The following BLTP1 variants were observed in gnomAD, a reference collection of about 807,000 sequenced individuals.
BLTP1 encodes the protein bridge-like lipid transfer protein family member 1.
At chr4:122,254,991 T>G in the BLTP1 span, 1 of 1,536,348 alleles carries the variant, frequency 6.5e-7, no homozygotes, top group South Asian at 1.2e-5. Context: ...TTATACAAAC[T>G]TTAGTATTGA....
chr4:122,235,117 AT>A, the BLTP1 span: 2 of 1,153,302 alleles, frequency 1.7e-6, no homozygotes, highest in Non-Finnish European at 2.5e-6. Context: ...GTTCAACTCA[AT>A]TTACTTTGTG....
the BLTP1 span, chr4:122,227,212 C>T: frequency 1.0e-6 from 1 of 995,252 alleles, no homozygotes; most frequent in Non-Finnish European, 1.2e-6. Context: ...GCAGACCACT[C>T]TGGACATGCC....
At chr4:122,346,842 C>T in the BLTP1 span, 2 of 1,542,852 alleles carry the variant, frequency 1.3e-6, no homozygotes, top group South Asian at 2.5e-5. Flanking sequence ...TCTTACTTGG[C>T]AGGGTGTACC....
chr4:122,177,236 C>T, the BLTP1 span, among the ~76,000 whole-genome samples: 1 of 152,212 alleles, frequency 6.6e-6, no homozygotes, highest in East Asian at 1.9e-4. Flanking sequence ...ATCTTGACTG[C>T]TGTCTTTTGT....
the BLTP1 span, chr4:122,328,669 G>A: frequency 1.0e-6 from 1 of 982,738 alleles, no homozygotes; most frequent in Non-Finnish European, 1.2e-6. Context: ...TATTCCTGTG[G>A]CATTACATTA....
the BLTP1 span, chr4:122,244,464 G>T: frequency 5.6e-6 from 1 of 177,858 alleles, no homozygotes; most frequent in Non-Finnish European, 1.1e-5. Flanking sequence ...GTGTGGATTT[G>T]GAACCCACAG....
the BLTP1 span, among the ~76,000 whole-genome samples, chr4:122,318,899 C>T: frequency 6.6e-6 from 1 of 152,152 alleles, no homozygotes. Context: ...AGTTATTAAT[C>T]CAGTCCTTTA....
chr4:122,352,669 T>C, the BLTP1 span, among the ~76,000 whole-genome samples: 7 of 152,132 alleles, frequency 4.6e-5, no homozygotes, highest in South Asian at 2.1e-4. Context: ...CTCAGACATA[T>C]TAGTTTTAAT....
chr4:122,279,278 CAA>C, the BLTP1 span, among the ~76,000 whole-genome samples: 1 of 152,142 alleles, frequency 6.6e-6, no homozygotes, highest in Non-Finnish European at 1.5e-5. Flanking sequence ...CAGTTAGACA[CAA>C]AGAAGATAAA....
At chr4:122,359,562 T>C in the BLTP1 span, 1 of 1,609,514 alleles carries the variant, frequency 6.2e-7, no homozygotes. Flanking sequence ...TATAGCCATC[T>C]TTCCACCTCG....
chr4:122,333,936 C>T, the BLTP1 span: 192 of 1,169,500 alleles, frequency 1.6e-4, 1 homozygote, highest in South Asian at 3.1e-3. Context: ...TCTAATATAG[C>T]CATATTCTGG....
the BLTP1 span, among the ~76,000 whole-genome samples, chr4:122,195,230 A>G: frequency 6.6e-6 from 1 of 152,188 alleles, no homozygotes; most frequent in Admixed American, 6.5e-5. Flanking sequence ...TAATCATAAC[A>G]TGATTTTAGT....
At chr4:122,299,926 A>T in the BLTP1 span, 2 of 985,054 alleles carry the variant, frequency 2.0e-6, no homozygotes, top group Non-Finnish European at 2.4e-6. Flanking sequence ...GAAAGGTACA[A>T]GCGTACAGGC....
the BLTP1 span, among the ~76,000 whole-genome samples, chr4:122,352,355 C>CTTTTTTTTTT: frequency 9.0e-6 from 1 of 111,714 alleles, no homozygotes; most frequent in Non-Finnish European, 1.9e-5. Flanking sequence ...TTTGGTTTTT[C>CTTTTTTTTTT]TTTTTTTTTT....
At chr4:122,227,189 CAT>C in the BLTP1 span, 2 of 1,007,166 alleles carry the variant, frequency 2.0e-6, no homozygotes, top group Non-Finnish European at 2.4e-6. Flanking sequence ...GAATTCTTCA[CAT>C]GACATGGTTT....
chr4:122,330,951 A>C, the BLTP1 span: 3 of 969,836 alleles, frequency 3.1e-6, no homozygotes, highest in Non-Finnish European at 3.7e-6. Flanking sequence ...CATTTGTTAA[A>C]GATCACATGG....
the BLTP1 span, chr4:122,153,984 A>G: frequency 1.0e-6 from 1 of 984,700 alleles, no homozygotes; most frequent in East Asian, 1.1e-4. Flanking sequence ...TCGTAAAGCC[A>G]GAATACCTTG....
the BLTP1 span, chr4:122,209,229 T>TA: frequency 2.5e-6 from 4 of 1,613,484 alleles, no homozygotes; most frequent in South Asian, 1.1e-5. Context: ...TTTATGCTGG[T>TA]AAAAAATTGC....
the BLTP1 span, chr4:122,207,638 A>G: frequency 1.3e-6 from 2 of 1,579,384 alleles, no homozygotes; most frequent in Admixed American, 1.7e-5. Flanking sequence ...TCTCTTTAAG[A>G]GTATGTATAG....
Sources: gnomAD v4.1 joint callset for allele counts (sites outside exome capture counted in the v4.1 genomes callset) on GRCh38, gnomAD v4.1.1 for gene constraint, MANE v1.5 for transcripts, NCBI Gene and HGNC (gene_info 2026-07-23, HGNC 2026-07-21) for gene names.